The following GLIS3 variants were observed in gnomAD, a reference collection of about 807,000 sequenced individuals.
The protein encoded by GLIS3 is GLIS family zinc finger 3.
Under a neutral mutation model 78.6 loss-of-function variants are expected in GLIS3, and 53 were observed. The ratio of observed to expected loss-of-function variants is 0.67; its 90% confidence interval spans 0.54 to 0.85. The LOEUF is 0.85. GLIS3 is among the 40% of genes least tolerant of loss of function. The pLI is 0.00. For missense variants in GLIS3, 1,703 were observed against 1,231.1 expected, an observed-to-expected ratio of 1.38 and a Z score of -5.74; for synonymous variants, 684 against 509.9, an observed-to-expected ratio of 1.34 and a Z score of -4.60.
intron 4 of GLIS3, among the ~76,000 whole-genome samples, chr9:4,097,892 A>C (rs901989435): frequency 2.6e-5 from 4 of 152,206 alleles, no homozygotes; most frequent in Non-Finnish European, 5.9e-5. Context: ...AAAAGTCTGA[A>C]TTCTAACATA....
At chr9:4,399,140 A>T in the GLIS3 span, among the ~76,000 whole-genome samples, 1 of 152,204 alleles carries the variant, frequency 6.6e-6, no homozygotes, top group Non-Finnish European at 1.5e-5. Context: ...TGTATTTTCA[A>T]ATAGCTAGAA....
chr9:4,091,478 G>A (rs1829496045), intron 4 of GLIS3, among the ~76,000 whole-genome samples: 1 of 152,080 alleles, frequency 6.6e-6, no homozygotes, highest in Non-Finnish European at 1.5e-5. Context: ...AATAAACACA[G>A]ATCACTTACC....
At chr9:4,286,793 C>T (rs1303345925) in intron 1 of GLIS3, among the ~76,000 whole-genome samples, 1 of 152,186 alleles carries the variant, frequency 6.6e-6, no homozygotes, top group Non-Finnish European at 1.5e-5. Flanking sequence ...CTACAACAAT[C>T]TACTGGTGCC....
chr9:4,106,713 G>A (rs1830781988), intron 4 of GLIS3, among the ~76,000 whole-genome samples: 1 of 152,134 alleles, frequency 6.6e-6, no homozygotes, highest in African/African-American at 2.4e-5. Context: ...GGAATATTGT[G>A]TTTCAGGGTC....
intron 4 of GLIS3, among the ~76,000 whole-genome samples, chr9:4,033,523 T>C (rs1824031577): frequency 6.6e-6 from 1 of 152,048 alleles, no homozygotes; most frequent in Non-Finnish European, 1.5e-5. Flanking sequence ...AAAGAGAAGA[T>C]GGAGAAGGGC....
chr9:4,312,538 A>G (rs573880421), intron 2 of GLIS3, among the ~76,000 whole-genome samples: 18 of 152,368 alleles, frequency 1.2e-4, no homozygotes, highest in Admixed American at 9.1e-4. Context: ...CATACATGCC[A>G]ATTTTGCCAA....
intron 2 of GLIS3, among the ~76,000 whole-genome samples, chr9:4,238,871 A>G (rs1034354192): frequency 6.6e-6 from 1 of 152,096 alleles, no homozygotes. Flanking sequence ...CTAACTACTA[A>G]GACTACTATA....
At chr9:4,304,469 C>T (rs557176243), upstream of GLIS3, among the ~76,000 whole-genome samples, 21 of 152,162 alleles carry the variant, frequency 1.4e-4, no homozygotes, top group Middle Eastern at 3.2e-3. Flanking sequence ...GCGCCCTGCT[C>T]CAGTGACCCT....
intron 8 of GLIS3, among the ~76,000 whole-genome samples, chr9:3,874,078 G>C (rs1025614735): frequency 1.1e-4 from 16 of 152,212 alleles, no homozygotes; most frequent in Non-Finnish European, 2.1e-4. Flanking sequence ...ATGCTAATTA[G>C]TTGACTGATG....
intron 2 of GLIS3, among the ~76,000 whole-genome samples, chr9:4,312,360 G>T (rs1305402396): frequency 1.3e-5 from 2 of 151,992 alleles, no homozygotes; most frequent in South Asian, 2.1e-4. Flanking sequence ...CCCAGCTACT[G>T]GGGAGGCTGG....
At chr9:4,001,683 GCAGT>G (rs1304085224) in intron 4 of GLIS3, among the ~76,000 whole-genome samples, 3 of 152,162 alleles carry the variant, frequency 2.0e-5, no homozygotes, top group African/African-American at 7.2e-5. Context: ...ATCTAAGTAA[GCAGT>G]CAGTCATCAT....
intron 4 of GLIS3, among the ~76,000 whole-genome samples, chr9:3,965,246 T>A (rs1418325242): frequency 5.8e-5 from 8 of 137,194 alleles, no homozygotes. Context: ...CAGGCTGGAG[T>A]GCAGTGGCGT....
intron 9 of GLIS3, chr9:3,855,469 TA>T (rs1465303328): frequency 5.9e-6 from 1 of 168,824 alleles, no homozygotes; most frequent in Non-Finnish European, 1.3e-5. Context: ...CACAGATAAG[TA>T]AAACACAAGG....
At chr9:4,363,862 G>T in the GLIS3 span, among the ~76,000 whole-genome samples, 5 of 152,328 alleles carry the variant, frequency 3.3e-5, no homozygotes, top group South Asian at 6.2e-4. Context: ...AAGTTAATGA[G>T]CTGGGTCACA....
At chr9:4,053,029 T>C (rs1422799352) in intron 4 of GLIS3, among the ~76,000 whole-genome samples, 3 of 152,150 alleles carry the variant, frequency 2.0e-5, no homozygotes, top group Non-Finnish European at 2.9e-5. Context: ...TTCACTGCAA[T>C]CTCTGCCTCC....
intron 4 of GLIS3, among the ~76,000 whole-genome samples, chr9:4,111,027 T>C (rs1025867769): frequency 3.9e-5 from 6 of 152,154 alleles, no homozygotes; most frequent in African/African-American, 1.4e-4. Flanking sequence ...GTTTCTAATA[T>C]ATTGCCAAAC....
rs372948857 is a variant in GLIS3, at chr9:4,321,282, A to T, written n.265-10754T>A. 1.4e-4 allele frequency among the ~76,000 whole-genome samples: 14 copies of T among 97,876 alleles called. 2 individuals carry two copies. Among genetic ancestry groups the T allele is most frequent in the South Asian group, 9.2e-4 (3 of 3,276 alleles). The allele number at this position is 97,876 out of a possible 152,430, so 64.2% of individuals were successfully genotyped here. A position where few individuals can be genotyped will look rare whatever the true frequency, so the allele number is the denominator to read the frequency against. On this transcript the variant is annotated intron_variant and non_coding_transcript_variant, in intron 2 of 4. Coordinates refer to the GLIS3 transcript ENST00000471664. ...AAAAATACAAAAAAAATTAGCCGGGAGTGGTGGCGGGCGCCTGTAGTCCCA... is the reference window on the plus strand; with the variant it reads ...AAAAATACAAAAAAAATTAGCCGGGTGTGGTGGCGGGCGCCTGTAGTCCCA...
At chr9:3,980,277 A>T (rs888571162) in intron 4 of GLIS3, among the ~76,000 whole-genome samples, 2 of 152,218 alleles carry the variant, frequency 1.3e-5, no homozygotes, top group African/African-American at 4.8e-5. Flanking sequence ...TAATTCCCCA[A>T]ACAATGAAAG....
intron 2 of GLIS3, among the ~76,000 whole-genome samples, chr9:4,276,546 G>A (rs1420855557): frequency 1.4e-5 from 1 of 72,940 alleles, no homozygotes; most frequent in Non-Finnish European, 3.0e-5. Flanking sequence ...GGGGACGGAA[G>A]GGGAGGGGAG....
Sources: gnomAD v4.1 joint callset for allele counts (sites outside exome capture counted in the v4.1 genomes callset) on GRCh38, gnomAD v4.1.1 for gene constraint, MANE v1.5 for transcripts, NCBI Gene and HGNC (gene_info 2026-07-23, HGNC 2026-07-21) for gene names.